Variants in TAOK1 observed in about 807,000 individuals in gnomAD.
The protein encoded by TAOK1 is TAO kinase 1.
In TAOK1, 21 loss-of-function variants were observed where a neutral mutation model predicts 138.3. That is an observed-to-expected ratio of 0.15 (90% CI 0.11 to 0.22). The LOEUF (loss-of-function observed/expected upper bound fraction) is 0.22. Ranked by LOEUF, TAOK1 falls within the 10% of genes least tolerant of loss-of-function variation. The pLI, the probability that TAOK1 is intolerant of heterozygous loss-of-function variation, is 1.00. For synonymous variants in TAOK1, 361 were observed against 398.4 expected (o/e 0.91, Z 1.12); for missense variants, 651 against 1,227.7 (o/e 0.53, Z 7.02).
rs989801227 is a variant in TAOK1, at chr17:29,390,517, A to C, written c.-602A>C. ...CCGAAAGCACTAGGCACTCGCGAACATCTGAGGCCTCCCGGCCCCGGGGGA... is the reference window on the plus strand; with the variant it reads ...CCGAAAGCACTAGGCACTCGCGAACCTCTGAGGCCTCCCGGCCCCGGGGGA... On this transcript the variant is annotated 5_prime_UTR_variant, in exon 1 of 20. Transcript: ENST00000261716. 6.6e-6 allele frequency: 1 copy of C among 152,378 alleles called. No homozygotes were observed. The highest frequency in any genetic ancestry group is 1.9e-4 in the East Asian group (1 of 5,138). 9.4% of individuals were successfully genotyped at this position (152,378 alleles called of 1,614,324 possible).
intron 1 of TAOK1, among the ~76,000 whole-genome samples, chr17:29,409,335 T>TATATA (rs1567710199): frequency 6.4e-3 from 290 of 45,386 alleles, no homozygotes; most frequent in African/African-American, 0.023. Context: ...ATATATATAT[T>TATATA]TTTTTTTTTT....
At chr17:29,520,800 C>T (rs921452847) in intron 16 of TAOK1, among the ~76,000 whole-genome samples, 1 of 151,234 alleles carries the variant, frequency 6.6e-6, no homozygotes, top group Non-Finnish European at 1.5e-5. Context: ...CTGAGGTGGG[C>T]AGATCACGAG....
chr17:29,485,554 C>T (rs1192050508), intron 8 of TAOK1, among the ~76,000 whole-genome samples: 1 of 152,092 alleles, frequency 6.6e-6, no homozygotes, highest in East Asian at 1.9e-4. Context: ...TGGACGACCC[C>T]CTTTAGCCCA....
At chr17:29,394,966 G>A (rs900683282) in intron 1 of TAOK1, among the ~76,000 whole-genome samples, 1 of 152,084 alleles carries the variant, frequency 6.6e-6, no homozygotes, top group East Asian at 1.9e-4. Flanking sequence ...GCATGGGCTA[G>A]GCATGGTGGT....
chr17:29,509,221 G>A (rs2031676387), intron 14 of TAOK1, among the ~76,000 whole-genome samples: 1 of 151,844 alleles, frequency 6.6e-6, no homozygotes, highest in South Asian at 2.1e-4. Flanking sequence ...CCAGGCTGGA[G>A]TGCAGTGGTG....
chr17:29,435,326 C>T (rs535185198), intron 1 of TAOK1, among the ~76,000 whole-genome samples: 1 of 152,310 alleles, frequency 6.6e-6, no homozygotes, highest in East Asian at 1.9e-4. Context: ...AACATGATCT[C>T]TCTCTTTCCA....
At chr17:29,391,819 C>A (rs1904440565) in intron 1 of TAOK1, among the ~76,000 whole-genome samples, 2 of 152,222 alleles carry the variant, frequency 1.3e-5, no homozygotes, top group Admixed American at 1.3e-4. Context: ...TCTGGATTGA[C>A]ATTTTTTGTG....
intron 1 of TAOK1, among the ~76,000 whole-genome samples, chr17:29,395,580 G>A (rs190305607): frequency 2.0e-5 from 3 of 150,184 alleles, no homozygotes; most frequent in Non-Finnish European, 3.0e-5. Context: ...GTAAAGTTTC[G>A]CATAAAATTG....
chr17:29,403,160 CAAAAAAAAAA>C (rs34253777), intron 1 of TAOK1, among the ~76,000 whole-genome samples: 11 of 60,074 alleles, frequency 1.8e-4, no homozygotes, highest in East Asian at 5.4e-4. Flanking sequence ...GATTTTGTCT[CAAAAAAAAAA>C]AAAAAAAAAA....
chr17:29,442,940 A>G (rs1443322670), intron 1 of TAOK1, among the ~76,000 whole-genome samples: 1 of 152,014 alleles, frequency 6.6e-6, no homozygotes, highest in East Asian at 1.9e-4. Flanking sequence ...TATAATGTCA[A>G]ATTTCTTGCT....
At chr17:29,540,295 T>G (rs1264747420) in intron 19 of TAOK1, among the ~76,000 whole-genome samples, 1 of 152,212 alleles carries the variant, frequency 6.6e-6, no homozygotes, top group Non-Finnish European at 1.5e-5. Flanking sequence ...CTTTGAGACT[T>G]ATTTGCTCCA....
intron 16 of TAOK1, among the ~76,000 whole-genome samples, chr17:29,521,613 C>G (rs1306029531): frequency 6.6e-6 from 1 of 152,166 alleles, no homozygotes; most frequent in Non-Finnish European, 1.5e-5. Flanking sequence ...GAGGGAGTCT[C>G]GCTCTGTCGC....
intron 1 of TAOK1, among the ~76,000 whole-genome samples, chr17:29,415,534 A>G (rs1028681078): frequency 6.6e-6 from 1 of 152,190 alleles, no homozygotes; most frequent in Non-Finnish European, 1.5e-5. Context: ...TTTTATAGCC[A>G]TCCTTGAGTG....
Position 29,542,656 on chromosome 17 carries a change from T to A in TAOK1, c.2640T>A (p.Ser880=). The change falls in exon 20 of 20, where the codon TCT becomes TCA. Residue 880 remains serine (S), a synonymous_variant. Transcript: ENST00000261716. ...CCAGAGAGATTGAAGCTTTTGACTC[T>A]GAAAGCATGAGACTAGGTTTTAGTA... ...RQAREIEAFD[S]ESMRLGFSNM... 1 of 1,614,260 alleles carries A rather than the reference T, an allele frequency of 6.2e-7. No individual in the cohort carries two copies. Among genetic ancestry groups the A allele is most frequent in the Non-Finnish European group, 8.5e-7 (1 of 1,180,046 alleles).
intron 13 of TAOK1, among the ~76,000 whole-genome samples, chr17:29,504,276 CAA>C (rs71138826): frequency 0.017 from 683 of 40,702 alleles, 4 homozygotes; most frequent in African/African-American, 0.064. Flanking sequence ...GACCCTGTCT[CAA>C]AAAAAAAAAA....
In TAOK1 at chr17:29,397,618, A is replaced by ATG. The variant is rs1936937847; in HGVS notation, c.-95+6595_-95+6596insGT. Among the ~76,000 whole-genome samples the ATG allele has an allele frequency of 1.2e-4, 5 of 43,390 alleles. 1 individual carries two copies. The highest frequency in any genetic ancestry group is 1.1e-3 in the Admixed American group (5 of 4,590). The allele number at this position is 43,390 out of a possible 152,430, so 28.5% of individuals were successfully genotyped here. A position where few individuals can be genotyped will look rare whatever the true frequency, so the allele number is the denominator to read the frequency against. On this transcript the variant is annotated intron_variant, in intron 1 of 19. Transcript: ENST00000261716. Reference sequence around the variant, plus strand: ...ATTCCGTCCCCCCCCAAAAAAATATATATATATATATACATGTATACATGT... The same window carrying ATG: ...ATTCCGTCCCCCCCCAAAAAAATATATGTATATATATATACATGTATACATGT...
intron 2 of TAOK1, among the ~76,000 whole-genome samples, chr17:29,457,857 T>C (rs895386419): frequency 2.6e-5 from 4 of 151,982 alleles, no homozygotes; most frequent in Admixed American, 6.6e-5. Context: ...ACGCGTGTAA[T>C]CTCAGCACTT....
chr17:29,463,478 A>G (rs1394639116), intron 2 of TAOK1, among the ~76,000 whole-genome samples: 2 of 151,890 alleles, frequency 1.3e-5, no homozygotes, highest in African/African-American at 2.4e-5. Context: ...GGCTGAGGCA[A>G]GAGAATCACT....
chr17:29,537,199 AT>A (rs1243461780), intron 19 of TAOK1, among the ~76,000 whole-genome samples: 1 of 152,216 alleles, frequency 6.6e-6, no homozygotes, highest in African/African-American at 2.4e-5. Context: ...TCTTAGTCTT[AT>A]TTAATATCCT....
Sources: gnomAD v4.1 joint callset for allele counts (sites outside exome capture counted in the v4.1 genomes callset) on GRCh38, gnomAD v4.1.1 for gene constraint, MANE v1.5 for transcripts, NCBI Gene and HGNC (gene_info 2026-07-23, HGNC 2026-07-21) for gene names.